SCUBE1: variants seen among roughly 807,000 people sequenced by gnomAD.
SCUBE1 encodes the protein signal peptide, CUB domain and EGF like domain containing 1, also known as signal peptide, CUB and EGF-like domain-containing protein 1.
In SCUBE1, 59 loss-of-function variants were observed where a neutral mutation model predicts 124.4. The observed-to-expected ratio is 0.47, with a 90% confidence interval of 0.38 to 0.59. SCUBE1 has a LOEUF of 0.59. SCUBE1 is among the 20% of genes least tolerant of loss of function. The pLI is 0.00. For missense variants in SCUBE1, 1,150 were observed against 1,371.2 expected, an observed-to-expected ratio of 0.84 and a Z score of 2.55; for synonymous variants, 545 against 550.9, an observed-to-expected ratio of 0.99 and a Z score of 0.15.
chr22:43,266,933 C>A (rs1924092112), intron 4 of SCUBE1, among the ~76,000 whole-genome samples: 1 of 152,136 alleles, frequency 6.6e-6, no homozygotes, highest in Non-Finnish European at 1.5e-5. Context: ...AGTGTGAGGA[C>A]AAAGCCTCCG....
chr22:43,293,874 G>A lies in SCUBE1; in HGVS notation c.350-2694C>T, dbSNP rs906010494. On this transcript the variant is annotated intron_variant, in intron 3 of 21. Transcript: ENST00000360835. ...AGAAATGCTACCTCATCCCTGTCAC[G>A]AGGAAGCTCCCTGGCGCCGCCCATC... is the stretch of plus-strand genomic sequence containing the variant. Among the ~76,000 whole-genome samples, 8 of 152,318 alleles carry A rather than the reference G, an allele frequency of 5.3e-5. No individual in the cohort carries two copies. In the South Asian group the frequency reaches 1.5e-3, roughly 28 times the overall value.
At chr22:43,321,151 C>T (rs1040595454) in intron 2 of SCUBE1, among the ~76,000 whole-genome samples, 2 of 152,194 alleles carry the variant, frequency 1.3e-5, no homozygotes, top group African/African-American at 2.4e-5. Context: ...GTGCATCTCA[C>T]GAGACGACGG....
At chr22:43,231,713 G>A (rs762540859) in intron 8 of SCUBE1, 40 bp downstream of exon 8, 3 of 1,540,796 alleles carry the variant, frequency 1.9e-6, no homozygotes, top group East Asian at 2.5e-5. Flanking sequence ...GCACGATCCC[G>A]CTGGGCCCGA....
At chr22:43,322,640 C>T (rs1162287403) in intron 2 of SCUBE1, among the ~76,000 whole-genome samples, 1 of 152,168 alleles carries the variant, frequency 6.6e-6, no homozygotes, top group African/African-American at 2.4e-5. Context: ...CCAAACTGTT[C>T]CCTCCCTCCT....
At chr22:43,339,034 G>T (rs1374625618) in intron 2 of SCUBE1, 70 bp downstream of exon 2, 11 of 1,571,944 alleles carry the variant, frequency 7.0e-6, no homozygotes, top group Non-Finnish European at 7.8e-6. Flanking sequence ...GATGAATGGG[G>T]CAGGCATCGG....
At chr22:43,316,307 C>T (rs1269135903) in intron 3 of SCUBE1, among the ~76,000 whole-genome samples, 1 of 152,228 alleles carries the variant, frequency 6.6e-6, no homozygotes, top group Non-Finnish European at 1.5e-5. Flanking sequence ...CACAAACTGG[C>T]AGTTCCCAAG....
chr22:43,212,478 C>G lies in SCUBE1; in HGVS notation c.2168G>C (p.Gly723Ala). 1 of 1,554,212 alleles carries G rather than the reference C, an allele frequency of 6.4e-7. No homozygotes were observed. Reference protein sequence around the residue: ...GRTGCFPCGGGLLTKHEGTTS... With the variant: ...GRTGCFPCGGALLTKHEGTTS... ...GGTGCCTTCGTGTTTGGTGAGCAAACCCCCTCCACAGGGGAAGCAGCCGGT... is the reference window on the plus strand; with the variant it reads ...GGTGCCTTCGTGTTTGGTGAGCAAAGCCCCTCCACAGGGGAAGCAGCCGGT... Residue 723 changes from glycine to alanine, a missense_variant, in exon 17 of 22, where the codon GGT (glycine) becomes GCT (alanine). Physicochemically the swap from Gly to Ala is moderately conservative, Grantham distance 60. Transcript: ENST00000360835.
At chr22:43,214,041 G>GCCCCCCCCCCCCCCCCCCCCCCCCC in intron 16 of SCUBE1, 49 bp downstream of exon 16, 4 of 484,844 alleles carry the variant, frequency 8.3e-6, no homozygotes, top group South Asian at 7.3e-5. Flanking sequence ...GACAGGAGGA[G>GCCCCCCCCCCCCCCCCCCCCCCCCC]CCCCCGCCCA....
chr22:43,248,003 A>G (rs147806806), intron 6 of SCUBE1, among the ~76,000 whole-genome samples: 35 of 152,330 alleles, frequency 2.3e-4, no homozygotes, highest in Non-Finnish European at 4.4e-4. Flanking sequence ...AGCGGCCAAG[A>G]AACCTAGGGG....
intron 3 of SCUBE1, among the ~76,000 whole-genome samples, chr22:43,293,079 G>A (rs778885080): frequency 2.0e-4 from 31 of 152,214 alleles, no homozygotes; most frequent in Non-Finnish European, 4.0e-4. Flanking sequence ...TTTGCTGGGC[G>A]CAGCCCCTAG....
At chr22:43,289,944 C>T (rs773249155) in intron 4 of SCUBE1, among the ~76,000 whole-genome samples, 47 of 152,336 alleles carry the variant, frequency 3.1e-4, no homozygotes, top group Non-Finnish European at 5.9e-4. Flanking sequence ...TTCCCAGGAA[C>T]GCCCTCTATG....
chr22:43,304,886 A>G (rs1250422614), intron 3 of SCUBE1, among the ~76,000 whole-genome samples: 1 of 152,102 alleles, frequency 6.6e-6, no homozygotes, highest in East Asian at 1.9e-4. Flanking sequence ...TTAATTACAC[A>G]AAGGACACCA....
At chr22:43,223,293 G>A in intron 10 of SCUBE1, 77 bp from the exon 11 acceptor site, 2 of 1,461,364 alleles carry the variant, frequency 1.4e-6, no homozygotes, top group Non-Finnish European at 9.1e-7. Flanking sequence ...TCCTGGGTAT[G>A]GCCTAATGGG....
chr22:43,231,625 A>T (rs1601814813), intron 8 of SCUBE1, 128 bp downstream of exon 8: 2 of 1,143,544 alleles, frequency 1.7e-6, no homozygotes, highest in Non-Finnish European at 2.4e-6. Flanking sequence ...GTCGTAAAGG[A>T]CCCCATTCCC....
rs202038476 is a variant in SCUBE1, at chr22:43,223,233, G to C, written c.1208-17C>G. ...TGCCTGTCTCTATGAAGGGAGATAC[G>C]AGAGAGGGCTGAGAGAGGCCAGGGC... On this transcript the variant is annotated splice_polypyrimidine_tract_variant and intron_variant, in intron 10 of 21. Transcript: ENST00000360835. 46 of 1,563,172 alleles carry C rather than the reference G, an allele frequency of 2.9e-5. No homozygotes were observed. In the South Asian group the frequency reaches 5.1e-4, roughly 17 times the overall value.
chr22:43,241,403 C>T (rs1198269175), intron 6 of SCUBE1, among the ~76,000 whole-genome samples: 2 of 152,048 alleles, frequency 1.3e-5, no homozygotes, highest in African/African-American at 2.4e-5. Flanking sequence ...CGGTACGGAG[C>T]ATCAGAAACT....
intron 3 of SCUBE1, among the ~76,000 whole-genome samples, chr22:43,316,095 A>G (rs1926338507): frequency 6.6e-6 from 1 of 152,196 alleles, no homozygotes; most frequent in Admixed American, 6.5e-5. Context: ...CAGTGACCAG[A>G]TGAATGCTGG....
rs1920989222 is a variant in SCUBE1 at position 43,200,777 on chromosome 22, T to A, written c.*3220A>T. Reference sequence around the variant, plus strand: ...GTGGGCTGGGAGCTATAGAAGGGCTTGCGAGGGAAAGCAGGATGAAGGCTG... The same window carrying A: ...GTGGGCTGGGAGCTATAGAAGGGCTAGCGAGGGAAAGCAGGATGAAGGCTG... On this transcript the variant is annotated 3_prime_UTR_variant, in exon 22 of 22. Transcript: ENST00000360835. 1 of 152,300 alleles carries A rather than the reference T, an allele frequency of 6.6e-6. No individual in the cohort carries two copies. The highest frequency in any genetic ancestry group is 1.5e-5 in the Non-Finnish European group (1 of 68,092). 9.4% of individuals were successfully genotyped at this position (152,300 alleles called of 1,614,324 possible).
intron 19 of SCUBE1, among the ~76,000 whole-genome samples, chr22:43,209,109 C>T (rs1921427074): frequency 6.6e-6 from 1 of 152,210 alleles, no homozygotes; most frequent in South Asian, 2.1e-4. Flanking sequence ...CTGCGTCAGC[C>T]TTGCTGACAT....
Sources: gnomAD v4.1 joint callset for allele counts (sites outside exome capture counted in the v4.1 genomes callset) on GRCh38, gnomAD v4.1.1 for gene constraint, MANE v1.5 for transcripts, NCBI Gene and HGNC (gene_info 2026-07-23, HGNC 2026-07-21) for gene names.